Variants in SPAG16 observed in about 807,000 individuals in gnomAD.
SPAG16 encodes the protein sperm-associated antigen 16 protein.
Under a neutral mutation model 80.4 loss-of-function variants are expected in SPAG16, and 86 were observed. That is an observed-to-expected ratio of 1.07 (90% CI 0.90 to 1.28). The LOEUF is 1.28. Among genes scored for constraint, SPAG16 ranks in the 50% most tolerant of loss-of-function variants. The pLI, the probability that SPAG16 is intolerant of heterozygous loss-of-function variation, is 0.00. For missense variants in SPAG16, 870 were observed against 765.3 expected, an observed-to-expected ratio of 1.14 and a Z score of -1.61; for synonymous variants, 294 against 265.9, an observed-to-expected ratio of 1.11 and a Z score of -1.03.
chr2:213,621,210 A>C (rs2061770729), intron 10 of SPAG16, among the ~76,000 whole-genome samples: 2 of 152,172 alleles, frequency 1.3e-5, no homozygotes, highest in African/African-American at 4.8e-5. Context: ...AAATTAATGA[A>C]ATATTTAGAT....
intron 15 of SPAG16, among the ~76,000 whole-genome samples, chr2:214,174,684 T>G (rs952936269): frequency 6.6e-6 from 1 of 151,778 alleles, no homozygotes; most frequent in Admixed American, 6.6e-5. Flanking sequence ...AGAAGGATTC[T>G]GTGCCATACA....
In SPAG16 at chr2:214,131,620, G is replaced by A. The variant is rs1335018691; in HGVS notation, c.1594-17520G>A. Reference sequence around the variant, plus strand: ...ACATCCAGACAATGGAATGTTACTCGGGACTTAAAAAAAAAATGAACTATT... The same window carrying A: ...ACATCCAGACAATGGAATGTTACTCAGGACTTAAAAAAAAAATGAACTATT... On this transcript the variant is annotated intron_variant, in intron 14 of 15. Coordinates refer to ENST00000331683, the MANE Select transcript of SPAG16 (RefSeq NM_024532.5). Among the ~76,000 whole-genome samples, 12 of 115,304 alleles carry A rather than the reference G, an allele frequency of 1.0e-4. No individual in the cohort carries two copies. The South Asian group carries it at 3.4e-3, about 33-fold the overall frequency. The allele number at this position is 115,304 out of a possible 152,430, so 75.6% of individuals were successfully genotyped here.
intron 15 of SPAG16, among the ~76,000 whole-genome samples, chr2:214,224,312 AT>A: frequency 6.6e-6 from 1 of 152,300 alleles, no homozygotes; most frequent in East Asian, 1.9e-4. Flanking sequence ...CAATGACTTG[AT>A]TTCTTAAAAA....
intron 10 of SPAG16, among the ~76,000 whole-genome samples, chr2:213,689,858 C>T (rs2064864954): frequency 1.3e-5 from 2 of 151,748 alleles, no homozygotes; most frequent in Non-Finnish European, 2.9e-5. Context: ...AGAGGCTATC[C>T]TACTCCAGAA....
chr2:213,415,332 G>A (rs919985684), intron 9 of SPAG16, among the ~76,000 whole-genome samples: 1 of 152,190 alleles, frequency 6.6e-6, no homozygotes, highest in Non-Finnish European at 1.5e-5. Flanking sequence ...CCATGCTTAG[G>A]AATTTAGGTC....
intron 12 of SPAG16, among the ~76,000 whole-genome samples, chr2:214,000,252 C>A (rs2046730456): frequency 6.6e-6 from 1 of 152,082 alleles, no homozygotes; most frequent in Non-Finnish European, 1.5e-5. Context: ...AGCGGTTTCC[C>A]CCACACTGTT....
intron 9 of SPAG16, among the ~76,000 whole-genome samples, chr2:213,444,966 T>G: frequency 6.6e-6 from 1 of 152,106 alleles, no homozygotes; most frequent in East Asian, 1.9e-4. Context: ...TCCTTTTTGA[T>G]AAAGGCACCA....
chr2:213,793,823 C>T (rs183091295), intron 10 of SPAG16, among the ~76,000 whole-genome samples: 1 of 152,236 alleles, frequency 6.6e-6, no homozygotes, highest in East Asian at 1.9e-4. Flanking sequence ...AGTATAACGT[C>T]TTAATACCTC....
At chr2:213,597,319 T>A (rs183161339) in intron 10 of SPAG16, among the ~76,000 whole-genome samples, 63 of 152,314 alleles carry the variant, frequency 4.1e-4, no homozygotes. Context: ...TCTTCTCAAG[T>A]TGCTTATAGT....
rs145103360 is a variant in SPAG16 at position 214,287,013 on chromosome 2, A to G, written c.1721-123127A>G. ...ACTGAAAAGATATATTTGGAGATTA[A>G]TAAAGTTCTTCAGGAAAGGTATTTT... On this transcript the variant is annotated intron_variant, in intron 15 of 15. Transcript: ENST00000331683. Among the ~76,000 whole-genome samples the G allele has an allele frequency of 2.6e-4, 39 of 152,374 alleles. No homozygotes were observed. The East Asian group carries it at 3.5e-3, about 14-fold the overall frequency.
intron 12 of SPAG16, among the ~76,000 whole-genome samples, chr2:213,949,179 T>TTTTTTTTTTTTTTTGTTTTTGTTTTG (rs1575623841): frequency 2.5e-4 from 9 of 36,244 alleles, no homozygotes; most frequent in East Asian, 1.0e-3. Flanking sequence ...GTTTTTTTTT[T>TTTTTTTTTTTTTTTGTTTTTGTTTTG]TTTTTTTTTT....
rs543582503 is a variant in SPAG16, at chr2:214,127,832, T to C, written c.1593+19571T>C. Among the ~76,000 whole-genome samples, 5 of 152,028 alleles carry C rather than the reference T, an allele frequency of 3.3e-5. No individual in the cohort carries two copies. The Admixed American group carries it at 3.3e-4, about 10-fold the overall frequency. On this transcript the variant is annotated intron_variant, in intron 14 of 15. Transcript: ENST00000331683. ...GAATGACTAATCATGTTTTCAAAAC[T>C]CTTTATAAAAGAAGTTTCATCATCT...
intron 15 of SPAG16, among the ~76,000 whole-genome samples, chr2:214,259,918 G>A (rs1186565235): frequency 6.6e-6 from 1 of 152,002 alleles, no homozygotes; most frequent in East Asian, 1.9e-4. Context: ...GAAAGCTCAG[G>A]GACATTAAAG....
At chr2:213,434,326 G>A (rs1575581713) in intron 9 of SPAG16, among the ~76,000 whole-genome samples, 1 of 152,112 alleles carries the variant, frequency 6.6e-6, no homozygotes, top group East Asian at 1.9e-4. Flanking sequence ...ACTCAAGTTG[G>A]ATTAAAGTCT....
chr2:214,076,777 A>G (rs16851402), intron 13 of SPAG16, among the ~76,000 whole-genome samples: 3,790 of 152,260 alleles, frequency 0.025, 106 homozygotes, highest in South Asian at 0.15. Flanking sequence ...TGGTTGGGCA[A>G]AGTTAATAAG....
chr2:213,894,987 C>CAAAAAAAA (rs71063793), intron 11 of SPAG16, among the ~76,000 whole-genome samples: 3 of 49,304 alleles, frequency 6.1e-5, no homozygotes, highest in African/African-American at 3.5e-4. Context: ...GGCTCCATCT[C>CAAAAAAAA]AAAAAAAAAA....
chr2:213,751,593 G>C (rs1187635552), intron 10 of SPAG16, among the ~76,000 whole-genome samples: 2 of 152,084 alleles, frequency 1.3e-5, no homozygotes, highest in East Asian at 1.9e-4. Context: ...CAACCTCTCT[G>C]GAATCTGTGA....
intron 10 of SPAG16, among the ~76,000 whole-genome samples, chr2:213,585,281 A>AT (rs71063761): frequency 0.91 from 131,885 of 144,798 alleles, 60,580 homozygotes; most frequent in East Asian, 0.99. Context: ...ATGATGAAAG[A>AT]TTTTTTTTTT....
chr2:213,310,460 C>T (rs1449100429), intron 4 of SPAG16, among the ~76,000 whole-genome samples: 1 of 151,768 alleles, frequency 6.6e-6, no homozygotes, highest in Non-Finnish European at 1.5e-5. Flanking sequence ...AATCAAGACA[C>T]TTGAATATCT....
Sources: allele counts gnomAD v4.1 joint callset (sites outside exome capture counted in the v4.1 genomes callset), GRCh38; gene constraint gnomAD v4.1.1; transcripts MANE v1.5; gene names NCBI Gene and HGNC (gene_info 2026-07-23, HGNC 2026-07-21).